ARHGAP27: variants seen among roughly 807,000 people sequenced by gnomAD.
The protein encoded by ARHGAP27 is rho GTPase-activating protein 27.
A neutral mutation model predicts 102.0 loss-of-function variants in ARHGAP27; 53 were observed. The observed-to-expected ratio is 0.52, with a 90% confidence interval of 0.42 to 0.65. The LOEUF is 0.65. ARHGAP27 is among the 30% of genes least tolerant of loss of function. ARHGAP27 has a pLI of 0.00. For synonymous variants in ARHGAP27, 525 were observed against 542.8 expected (o/e 0.97, Z 0.46); for missense variants, 1,117 against 1,256.2 (o/e 0.89, Z 1.68).
At chr17:45,417,668 C>T (rs1036976756) in intron 4 of ARHGAP27, among the ~76,000 whole-genome samples, 4 of 151,692 alleles carry the variant, frequency 2.6e-5, no homozygotes, top group Admixed American at 6.6e-5. Flanking sequence ...ACATGAGAAT[C>T]GCTTGAACCT....
rs1423557639 is a variant in ARHGAP27, at chr17:45,394,683, A to G, written c.*773T>C. The G allele has an allele frequency of 6.6e-6, 1 of 152,242 alleles. No individual in the cohort carries two copies. The highest frequency in any genetic ancestry group is 1.5e-5 in the Non-Finnish European group (1 of 68,072). 9.4% of individuals were successfully genotyped at this position (152,242 alleles called of 1,614,324 possible). ...TCTGGGGAATGAGGTCACTCACTGG[A>G]CCTTGAGCAAGTCACACTGCTGCTG... On this transcript the variant is annotated 3_prime_UTR_variant, in exon 20 of 20. Transcript: ENST00000685559.
chr17:45,410,633 T>G (rs562297738), intron 4 of ARHGAP27, among the ~76,000 whole-genome samples: 1 of 152,118 alleles, frequency 6.6e-6, no homozygotes, highest in East Asian at 1.9e-4. Context: ...AGCCACAGCA[T>G]GAACTGCACA....
chr17:45,404,486 C>G lies in ARHGAP27; in HGVS notation c.1372G>C (p.Asp458His), dbSNP rs774633760. Residue 458 changes from aspartate to histidine, a missense_variant, in exon 8 of 20, where the codon GAT becomes CAT. Physicochemically the swap from Asp to His is moderately conservative, Grantham distance 81. This residue lies in a region of ARHGAP27 where 610 missense variants were observed against 716.4 expected (regional missense o/e 0.85). Transcript: ENST00000685559. Reference sequence around the variant, plus strand: ...CTGGCCTGGGCTGGGGTGTCACCATCCTGGCTGGATTTATGGATGCTTCGA... The same window carrying G: ...CTGGCCTGGGCTGGGGTGTCACCATGCTGGCTGGATTTATGGATGCTTCGA... ...APRSIHKSSQ[D>H]GDTPAQASPP... is the part of the protein sequence containing the mutation. The G allele has an allele frequency of 1.9e-6, 3 of 1,613,740 alleles. No individual in the cohort carries two copies. The Admixed American group carries it at 5.0e-5, about 27-fold the overall frequency.
rs1002913807 is a variant in ARHGAP27 at position 45,431,715 on chromosome 17, T to TA, written c.-114_-113insT. 529 of 169,268 alleles carry TA rather than the reference T, an allele frequency of 3.1e-3. 2 individuals are homozygous for TA. Among genetic ancestry groups the TA allele is most frequent in the Non-Finnish European group, 5.1e-3 (399 of 78,644 alleles). 10.5% of individuals were successfully genotyped at this position (169,268 alleles called of 1,614,324 possible). ...CCCTACCATCGCCCTGGGCGGGGTTTCCAGGGGCGAGGCCGGAGAGGCTGC... is the reference window on the plus strand; with the variant it reads ...CCCTACCATCGCCCTGGGCGGGGTTTACCAGGGGCGAGGCCGGAGAGGCTGC... On this transcript the variant is annotated 5_prime_UTR_variant, in exon 3 of 20. Transcript: ENST00000685559.
intron 12 of ARHGAP27, among the ~76,000 whole-genome samples, chr17:45,398,268 G>GTTACA (rs2045980631): frequency 6.6e-6 from 1 of 152,230 alleles, no homozygotes; most frequent in Non-Finnish European, 1.5e-5. Flanking sequence ...AGCAAACTGA[G>GTTACA]GCTCAGCAAG....
intron 5 of ARHGAP27, 123 bp from the exon 6 acceptor site, chr17:45,405,229 G>A: frequency 9.1e-7 from 1 of 1,101,116 alleles, no homozygotes; most frequent in Non-Finnish European, 1.3e-6. Context: ...GCAGGAGGCG[G>A]GGTCAGAAGC....
At chr17:45,424,972 C>T (rs1023116339) in intron 4 of ARHGAP27, among the ~76,000 whole-genome samples, 2 of 136,042 alleles carry the variant, frequency 1.5e-5, no homozygotes, top group African/African-American at 5.7e-5. Flanking sequence ...CAGGCTCCAG[C>T]GAGACCTGAA....
At chr17:45,405,641 G>A in intron 5 of ARHGAP27, 35 bp downstream of exon 5, 1 of 1,549,824 alleles carries the variant, frequency 6.5e-7, no homozygotes, top group South Asian at 1.2e-5. Flanking sequence ...GAGGCGCTCA[G>A]AGGTAGAACC....
In ARHGAP27 at chr17:45,430,139, G is replaced by T. The variant is rs763892574; in HGVS notation, c.141C>A (p.His47Gln). The change falls in exon 4 of 20, where the codon CAC becomes CAA. Residue 47 changes from histidine to glutamine, a missense_variant. Coordinates refer to ENST00000685559, the MANE Select transcript of ARHGAP27 (RefSeq NM_001282290.2). This position sits in a 1 kb window ranked among gnomAD's most constrained non-coding sequence, Gnocchi z 4.4. Reference sequence around the variant, plus strand: ...GGCGGCCGCCGGGCTCACGCCGCACGTGCCACCAGTGCTCGGTGCTGCGCC... The same window carrying T: ...GGCGGCCGCCGGGCTCACGCCGCACTTGCCACCAGTGCTCGGTGCTGCGCC... ...LLRRSTEHWW[H>Q]VRREPGGRPF... 32 of 1,530,676 alleles carry T rather than the reference G, an allele frequency of 2.1e-5. No individual in the cohort carries two copies. The South Asian group carries it at 3.8e-4, about 18-fold the overall frequency. The allele number at this position is 1,530,676 out of a possible 1,614,324, so 94.8% of individuals were successfully genotyped here. A position where few individuals can be genotyped will look rare whatever the true frequency, so the allele number is the denominator to read the frequency against.
intron 13 of ARHGAP27, 105 bp downstream of exon 13, chr17:45,397,844 G>T: frequency 1.0e-6 from 1 of 982,702 alleles, no homozygotes; most frequent in Non-Finnish European, 1.5e-6. Context: ...GACTGCATTT[G>T]CATTACCCAC....
chr17:45,399,078 A>G (rs2046104961), intron 12 of ARHGAP27, among the ~76,000 whole-genome samples: 1 of 152,242 alleles, frequency 6.6e-6, no homozygotes, highest in African/African-American at 2.4e-5. Context: ...ATGGCAGCTT[A>G]GTTGGATTCC....
chr17:45,399,647 C>G (rs180987976), intron 12 of ARHGAP27, among the ~76,000 whole-genome samples: 47 of 98,702 alleles, frequency 4.8e-4, no homozygotes, highest in Admixed American at 3.7e-3. Flanking sequence ...TCCCCTAGCC[C>G]TCCCCTGCAA....
Position 45,402,730 on chromosome 17 carries a change from C to T in ARHGAP27, c.1727G>A (p.Arg576Lys). The change falls in exon 12 of 20, where the codon AGG (arginine) becomes AAG (lysine). Residue 576 changes from arginine (R) to lysine (K), a missense_variant. This residue lies in a region of ARHGAP27 where 493 missense variants were observed against 505.5 expected (regional missense o/e 0.98). Transcript: ENST00000685559. ...LSWAPKDKSS[R>K]KNVLELRSRD... ...GCCACTCACCTCCAGCACATTCTTC[C>T]TACTGGATTTGTCTTTGGGGGCCCA... 6.2e-7 allele frequency: 1 copy of T among 1,612,628 alleles called. No homozygotes were observed. Among genetic ancestry groups the T allele is most frequent in the East Asian group, 2.2e-5 (1 of 44,810 alleles).
At chr17:45,398,230 G>A (rs1220383340) in intron 12 of ARHGAP27, among the ~76,000 whole-genome samples, 183 bp from the exon 13 acceptor site, 3 of 152,236 alleles carry the variant, frequency 2.0e-5, no homozygotes, top group Non-Finnish European at 4.4e-5. Flanking sequence ...GTAAAGCAGT[G>A]GCTGACAGCA....
At chr17:45,412,018 G>A (rs765201793) in intron 4 of ARHGAP27, among the ~76,000 whole-genome samples, 18 of 152,076 alleles carry the variant, frequency 1.2e-4, no homozygotes, top group African/African-American at 2.9e-4. Flanking sequence ...GGGGGGCAGG[G>A]ACTCCCTATG....
At chr17:45,410,532 C>T (rs1567714684) in intron 4 of ARHGAP27, 1 of 900,022 alleles carries the variant, frequency 1.1e-6, no homozygotes, top group Non-Finnish European at 1.5e-6. Flanking sequence ...GCTGGCTGCC[C>T]CACTCAGTGC....
intron 4 of ARHGAP27, among the ~76,000 whole-genome samples, chr17:45,426,609 C>G (rs542642976): frequency 6.6e-6 from 1 of 152,028 alleles, no homozygotes; most frequent in South Asian, 2.1e-4. Context: ...CATCCTGCCC[C>G]CTCTGTTCTG....
chr17:45,418,016 G>A (rs1247486342), intron 4 of ARHGAP27, among the ~76,000 whole-genome samples: 4 of 145,804 alleles, frequency 2.7e-5, no homozygotes, highest in Non-Finnish European at 6.0e-5. Context: ...CAGCCTGGGC[G>A]ACAAAGCGAG....
intron 4 of ARHGAP27, among the ~76,000 whole-genome samples, chr17:45,425,089 G>T (rs1333614872): frequency 6.6e-6 from 1 of 152,084 alleles, no homozygotes; most frequent in Admixed American, 6.5e-5. Context: ...CCAAGAAGCT[G>T]CTGTCTCCTA....
Sources: allele counts gnomAD v4.1 joint callset (sites outside exome capture counted in the v4.1 genomes callset), GRCh38; gene constraint gnomAD v4.1.1; regional missense constraint gnomAD v4.1.1; non-coding constraint Gnocchi (gnomAD v3.1); transcripts MANE v1.5; gene names NCBI Gene and HGNC (gene_info 2026-07-23, HGNC 2026-07-21).